Variants in ADAMTS16 observed in about 807,000 individuals in gnomAD.
ADAMTS16 encodes the protein A disintegrin and metalloproteinase with thrombospondin motifs 16.
ADAMTS16 carries 94 observed loss-of-function variants against 145.8 expected under a neutral mutation model. The ratio of observed to expected loss-of-function variants is 0.64; its 90% CI spans 0.55 to 0.77. The LOEUF is 0.77. ADAMTS16 is among the 30% of genes least tolerant of loss of function. ADAMTS16 has a pLI of 0.00. For synonymous variants in ADAMTS16, 659 were observed against 604.3 expected (o/e 1.09, Z -1.33); for missense variants, 1,585 against 1,591.5 (o/e 1.00, Z 0.07).
chr5:5,298,346 T>G (rs1739630863), intron 18 of ADAMTS16, among the ~76,000 whole-genome samples: 1 of 152,264 alleles, frequency 6.6e-6, no homozygotes, highest in South Asian at 2.1e-4. Flanking sequence ...ATTTACCTAC[T>G]TGGTCACAGA....
intron 18 of ADAMTS16, among the ~76,000 whole-genome samples, chr5:5,288,874 T>C (rs548724140): frequency 3.3e-5 from 5 of 152,332 alleles, no homozygotes; most frequent in African/African-American, 1.2e-4. Context: ...AGCTGTATGA[T>C]GCTGACCATC....
At chr5:5,295,768 A>G (rs1739503844) in intron 18 of ADAMTS16, among the ~76,000 whole-genome samples, 1 of 152,204 alleles carries the variant, frequency 6.6e-6, no homozygotes, top group Non-Finnish European at 1.5e-5. Context: ...AGATCCAGAG[A>G]ATACTCTAGT....
intron 3 of ADAMTS16, among the ~76,000 whole-genome samples, chr5:5,181,536 C>T (rs1487635810): frequency 6.6e-6 from 1 of 152,094 alleles, no homozygotes; most frequent in African/African-American, 2.4e-5. Context: ...TTTATGCTTT[C>T]CTCTAGATTA....
chr5:5,235,304 G>C (rs1171191740), intron 13 of ADAMTS16, 118 bp downstream of exon 13: 1 of 1,107,528 alleles, frequency 9.0e-7, no homozygotes, highest in Non-Finnish European at 1.2e-6. Context: ...TGGGAGGTGA[G>C]GGTCGCATAT....
At chr5:5,313,129 G>A (rs1002985652) in intron 21 of ADAMTS16, among the ~76,000 whole-genome samples, 2 of 152,220 alleles carry the variant, frequency 1.3e-5, no homozygotes, top group African/African-American at 2.4e-5. Context: ...CCACAAGCTG[G>A]CTGAAGTCTT....
At chr5:5,157,711 A>T (rs1193079074) in intron 3 of ADAMTS16, among the ~76,000 whole-genome samples, 1 of 152,188 alleles carries the variant, frequency 6.6e-6, no homozygotes, top group Non-Finnish European at 1.5e-5. Flanking sequence ...TTCTTTTATC[A>T]TAATTTAAAT....
chr5:5,304,041 C>T (rs10223220), intron 20 of ADAMTS16, among the ~76,000 whole-genome samples: 82,042 of 151,838 alleles, frequency 0.54, 22,619 homozygotes, highest in Admixed American at 0.65. Context: ...GGGGTGTGAG[C>T]GTGAGAATAG....
intron 17 of ADAMTS16, among the ~76,000 whole-genome samples, chr5:5,244,670 C>T (rs1457921173): frequency 2.0e-5 from 3 of 152,240 alleles, no homozygotes; most frequent in South Asian, 2.1e-4. Context: ...CAACTTAGCA[C>T]ATTACTGATG....
chr5:5,272,480 A>G (rs1432870002), intron 18 of ADAMTS16, among the ~76,000 whole-genome samples: 3 of 141,854 alleles, frequency 2.1e-5, no homozygotes, highest in African/African-American at 7.9e-5. Flanking sequence ...TCCTGCCTCA[A>G]CCTCCTGAGT....
chr5:5,245,018 A>G (rs1737397646), intron 17 of ADAMTS16, among the ~76,000 whole-genome samples: 2 of 152,164 alleles, frequency 1.3e-5, no homozygotes, highest in African/African-American at 2.4e-5. Context: ...AAGGGCTTTT[A>G]TTTCCCAAGA....
rs1738285217 is a variant in ADAMTS16, at chr5:5,267,514, G to A, written c.2789+4731G>A. On this transcript the variant is annotated intron_variant, in intron 18 of 22. Coordinates refer to ENST00000274181, the MANE Select transcript of ADAMTS16 (RefSeq NM_139056.4). ...TGGAGTTGGGCTGCTCCACAGCTGA[G>A]TTCTCCTCCGACCGTCCCAGACAAA... 2.0e-5 allele frequency among the ~76,000 whole-genome samples: 3 copies of A among 152,152 alleles called. 1 individual carries two copies. In the South Asian group the frequency reaches 6.2e-4, roughly 32 times the overall value.
Position 5,289,099 on chromosome 5 carries a change from T to C in ADAMTS16, c.2790-14169T>C, listed in dbSNP as rs4076658. 8.6e-3 allele frequency among the ~76,000 whole-genome samples: 1,313 copies of C among 152,292 alleles called. 30 individuals are homozygous for C. The highest frequency in any genetic ancestry group is 0.03 in the African/African-American group (1,250 of 41,558). ...CTGGGCTTCCTGGGTGTAAATTCCA[T>C]CTCACACCACTTATGTCACCTTTCT... On this transcript the variant is annotated intron_variant, in intron 18 of 22. Transcript: ENST00000274181.
chr5:5,186,500 A>C (rs1312277004), intron 5 of ADAMTS16, among the ~76,000 whole-genome samples: 2 of 148,110 alleles, frequency 1.4e-5, no homozygotes, highest in African/African-American at 5.0e-5. Flanking sequence ...AAGCCTCTGT[A>C]AGCCTGTGAG....
intron 10 of ADAMTS16, among the ~76,000 whole-genome samples, chr5:5,220,398 T>G (rs545685596): frequency 0.034 from 5,140 of 151,030 alleles, 319 homozygotes; most frequent in African/African-American, 0.12. Flanking sequence ...GACCTCGTGA[T>G]CCGCCCGCCT....
In ADAMTS16 at chr5:5,303,637, G is replaced by C. The variant is rs752743384; in HGVS notation, c.3057G>C (p.Ser1019=). 1 of 1,614,096 alleles carries C rather than the reference G, an allele frequency of 6.2e-7. No individual in the cohort carries two copies. The change falls in exon 20 of 23, where the codon TCG becomes TCC. Residue 1019 remains serine (S), a synonymous_variant. Coordinates refer to ENST00000274181, the MANE Select transcript of ADAMTS16 (RefSeq NM_139056.4). ...RAVACKSTNP[S]ARAQLLPDAV... ...TGGCCTGTAAGAGCACCAACCCCTC[G>C]GCCAGAGCGCAGCTGCTGCCCGACG...
chr5:5,306,426 ATC>A (rs1740154682), intron 20 of ADAMTS16, 76 bp from the exon 21 acceptor site: 3 of 1,225,402 alleles, frequency 2.4e-6, no homozygotes, highest in Middle Eastern at 2.4e-4. Flanking sequence ...TCAAGCAGAT[ATC>A]TCTGATATTT....
In ADAMTS16 at chr5:5,182,064, A is replaced by G; in HGVS notation, c.522A>G (p.Glu174=). The part of the protein sequence containing the change: ...CQGLSGMIRT[E]EADYFLRPLP... The stretch of plus-strand genomic sequence containing the variant: ...TCCAGTCAGGCATGATACGAACAGA[A>G]GAGGCAGATTACTTCCTAAGGCCAC... Residue 174 remains glutamate, a synonymous_variant, in exon 4 of 23, where the codon GAA becomes GAG. Coordinates refer to ENST00000274181, the MANE Select transcript of ADAMTS16 (RefSeq NM_139056.4). The G allele has an allele frequency of 6.2e-7, 1 of 1,612,256 alleles. No individual in the cohort carries two copies. Among genetic ancestry groups the G allele is most frequent in the Non-Finnish European group, 8.5e-7 (1 of 1,179,382 alleles).
At chr5:5,229,942 G>A (rs901220361) in intron 11 of ADAMTS16, among the ~76,000 whole-genome samples, 1 of 152,198 alleles carries the variant, frequency 6.6e-6, no homozygotes, top group African/African-American at 2.4e-5. Flanking sequence ...ACCTTTGCAA[G>A]TCAGCCTATA....
intron 18 of ADAMTS16, among the ~76,000 whole-genome samples, chr5:5,286,288 G>T (rs1560988002): frequency 6.6e-6 from 1 of 152,112 alleles, no homozygotes; most frequent in Non-Finnish European, 1.5e-5. Context: ...CCTTTTTGCA[G>T]CATAGACCAA....
Sources: gnomAD v4.1 joint callset for allele counts (sites outside exome capture counted in the v4.1 genomes callset) on GRCh38, gnomAD v4.1.1 for gene constraint, MANE v1.5 for transcripts, NCBI Gene and HGNC (gene_info 2026-07-23, HGNC 2026-07-21) for gene names.